NEGR1: variants seen among roughly 807,000 people sequenced by gnomAD.
NEGR1 encodes the protein neuronal growth regulator 1.
In NEGR1, 10 loss-of-function variants were observed where a neutral mutation model predicts 40.9. The observed-to-expected ratio is 0.24, with a 90% CI of 0.15 to 0.42. The LOEUF (loss-of-function observed/expected upper bound fraction) is 0.42. Among genes scored for constraint, NEGR1 ranks in the 10% least tolerant of loss-of-function variants. The pLI, the probability that NEGR1 is intolerant of heterozygous loss-of-function variation, is 1.00. For synonymous variants in NEGR1, 185 were observed against 166.8 expected, an observed-to-expected ratio of 1.11 and a Z score of -0.84; for missense variants, 352 against 438.9, an observed-to-expected ratio of 0.80 and a Z score of 1.77.
chr1:71,680,612 A>C (rs1652807142), intron 4 of NEGR1, among the ~76,000 whole-genome samples: 1 of 151,984 alleles, frequency 6.6e-6, no homozygotes, highest in African/African-American at 2.4e-5. Flanking sequence ...TTCTGTTTTA[A>C]TTTTTGACTT....
chr1:72,274,906 A>G (rs1655985141), intron 1 of NEGR1: 2 of 1,592,342 alleles, frequency 1.3e-6, no homozygotes, highest in Non-Finnish European at 1.7e-6. Flanking sequence ...GAACCAAGTC[A>G]ATCGAAAGTC....
chr1:72,079,137 TTAAA>T (rs1647879456), intron 1 of NEGR1, among the ~76,000 whole-genome samples: 1 of 145,984 alleles, frequency 6.9e-6, no homozygotes, highest in African/African-American at 2.5e-5. Context: ...TCTCTCCAAA[TTAAA>T]TGAGTGCCAA....
intron 1 of NEGR1, among the ~76,000 whole-genome samples, chr1:72,013,980 A>T (rs1646685161): frequency 1.4e-5 from 2 of 138,284 alleles, no homozygotes; most frequent in South Asian, 4.5e-4. Context: ...AAAAAAAAAA[A>T]AAAAAAAAGG....
intron 1 of NEGR1, among the ~76,000 whole-genome samples, chr1:72,019,840 T>C (rs1211206902): frequency 6.6e-6 from 1 of 152,228 alleles, no homozygotes; most frequent in East Asian, 1.9e-4. Flanking sequence ...AAAGGCATTC[T>C]TCACTTAAAT....
intron 2 of NEGR1, among the ~76,000 whole-genome samples, chr1:71,797,836 A>C (rs1477721819): frequency 1.3e-5 from 2 of 152,024 alleles, no homozygotes; most frequent in African/African-American, 2.4e-5. Flanking sequence ...TGCACCATTA[A>C]CTTAGTCATA....
At chr1:71,611,874 CCT>C (rs2101543446) in intron 4 of NEGR1, among the ~76,000 whole-genome samples, 1 of 152,330 alleles carries the variant, frequency 6.6e-6, no homozygotes, top group East Asian at 1.9e-4. Context: ...AGTTTCCCCG[CCT>C]CTGAGTATCT....
chr1:71,694,523 C>G (rs564565964), intron 4 of NEGR1, among the ~76,000 whole-genome samples: 6 of 151,724 alleles, frequency 4.0e-5, no homozygotes, highest in Admixed American at 6.6e-5. Flanking sequence ...AACCAACCAA[C>G]TAGCTCTATC....
intron 2 of NEGR1, among the ~76,000 whole-genome samples, chr1:71,805,039 C>T (rs970807311): frequency 1.3e-5 from 2 of 152,134 alleles, no homozygotes; most frequent in African/African-American, 2.4e-5. Context: ...CTGTCTTTTA[C>T]AGTCGCAGCT....
intron 4 of NEGR1, among the ~76,000 whole-genome samples, chr1:71,619,217 A>G (rs1198051517): frequency 6.6e-6 from 1 of 152,136 alleles, no homozygotes; most frequent in African/African-American, 2.4e-5. Flanking sequence ...TTTCCACTAC[A>G]ATATTCCATG....
At chr1:72,195,326 G>A (rs369165423) in intron 1 of NEGR1, among the ~76,000 whole-genome samples, 10 of 151,908 alleles carry the variant, frequency 6.6e-5, no homozygotes, top group Non-Finnish European at 1.2e-4. Flanking sequence ...TTAATGGGCC[G>A]TACATAGTTC....
chr1:71,689,698 C>A (rs944018113), intron 4 of NEGR1, among the ~76,000 whole-genome samples: 2 of 151,640 alleles, frequency 1.3e-5, no homozygotes, highest in African/African-American at 4.8e-5. Flanking sequence ...ATACAGATGT[C>A]TTTCAAAAGT....
At chr1:71,965,343 T>C (rs1227748668) in intron 1 of NEGR1, among the ~76,000 whole-genome samples, 1 of 152,214 alleles carries the variant, frequency 6.6e-6, no homozygotes, top group Non-Finnish European at 1.5e-5. Context: ...CTAATAACTT[T>C]AGCGAAGTTT....
At chr1:71,728,297 C>T (rs1358464914) in intron 3 of NEGR1, among the ~76,000 whole-genome samples, 1 of 152,022 alleles carries the variant, frequency 6.6e-6, no homozygotes, top group Non-Finnish European at 1.5e-5. Context: ...ATTTTGGAGA[C>T]ACAGAGGAAT....
intron 3 of NEGR1, among the ~76,000 whole-genome samples, chr1:71,766,841 CA>C (rs1450397573): frequency 7.2e-5 from 11 of 152,092 alleles, no homozygotes; most frequent in Non-Finnish European, 1.5e-4. Context: ...GTTCTCATGA[CA>C]TCTTGTTGTT....
chr1:71,596,607 G>A (rs147252469), intron 5 of NEGR1, among the ~76,000 whole-genome samples: 1 of 152,234 alleles, frequency 6.6e-6, no homozygotes, highest in Admixed American at 6.5e-5. Context: ...TGGCCACATA[G>A]CCATCAGCAC....
chr1:72,204,935 G>A (rs992245430), intron 1 of NEGR1, among the ~76,000 whole-genome samples: 6 of 151,906 alleles, frequency 3.9e-5, no homozygotes, highest in African/African-American at 1.5e-4. Flanking sequence ...GATATGGAAG[G>A]GCACACAACA....
intron 2 of NEGR1, among the ~76,000 whole-genome samples, chr1:71,803,635 ACTT>A (rs1239825706): frequency 1.3e-5 from 2 of 151,980 alleles, no homozygotes; most frequent in African/African-American, 4.8e-5. Context: ...TTTTCCTTGT[ACTT>A]CTTTTAATTA....
At chr1:72,112,633 G>A (rs1557532577) in intron 1 of NEGR1, among the ~76,000 whole-genome samples, 1 of 151,356 alleles carries the variant, frequency 6.6e-6, no homozygotes, top group Non-Finnish European at 1.5e-5. Flanking sequence ...AAGCCCTAAA[G>A]GAAATACTTT....
intron 4 of NEGR1, among the ~76,000 whole-genome samples, chr1:71,690,728 C>T (rs1255276998): frequency 2.0e-5 from 3 of 148,750 alleles, no homozygotes; most frequent in Non-Finnish European, 3.0e-5. Context: ...TTCCGTTTGG[C>T]GTGGAGTCAT....
Sources: allele counts gnomAD v4.1 joint callset (sites outside exome capture counted in the v4.1 genomes callset), GRCh38; gene constraint gnomAD v4.1.1; transcripts MANE v1.5; gene names NCBI Gene and HGNC (gene_info 2026-07-23, HGNC 2026-07-21).